MAD1L1: variants seen among roughly 807,000 people sequenced by gnomAD.
The protein encoded by MAD1L1 is mitotic spindle assembly checkpoint protein MAD1.
In MAD1L1, 95 loss-of-function variants were observed where a neutral mutation model predicts 96.9. The ratio of observed to expected loss-of-function variants is 0.98; its 90% CI spans 0.83 to 1.16. The LOEUF (loss-of-function observed/expected upper bound fraction) is 1.16, where lower values mean the gene tolerates loss of function less well. Among genes scored for constraint, MAD1L1 ranks in the 50% most tolerant of loss-of-function variants. The pLI is 0.00. For missense variants in MAD1L1, 1,007 were observed against 954.4 expected (o/e 1.06, Z -0.73); for synonymous variants, 473 against 396.6 (o/e 1.19, Z -2.29).
chr7:1,915,481 G>A (rs868736458), intron 17 of MAD1L1, among the ~76,000 whole-genome samples: 5 of 152,308 alleles, frequency 3.3e-5, no homozygotes, highest in East Asian at 1.9e-4. Context: ...CAGGGGCAGC[G>A]AGGAACGCCA....
chr7:1,826,898 A>G (rs1284775550), intron 18 of MAD1L1, among the ~76,000 whole-genome samples: 1 of 152,194 alleles, frequency 6.6e-6, no homozygotes, highest in Non-Finnish European at 1.5e-5. Context: ...TTCCTTCAAG[A>G]GTGACTGGCG....
intron 17 of MAD1L1, among the ~76,000 whole-genome samples, chr7:1,914,440 C>G (rs1266077862): frequency 6.6e-6 from 1 of 152,212 alleles, no homozygotes; most frequent in Non-Finnish European, 1.5e-5. Context: ...TGCGCTCCGG[C>G]TCTGAGGGTG....
At chr7:1,864,111 C>T (rs778670657) in intron 18 of MAD1L1, among the ~76,000 whole-genome samples, 2 of 152,162 alleles carry the variant, frequency 1.3e-5, no homozygotes, top group African/African-American at 4.8e-5. Flanking sequence ...AGGATGGGGA[C>T]GGGGCGGCCC....
At chr7:1,887,744 T>C (rs1786180685) in intron 18 of MAD1L1, among the ~76,000 whole-genome samples, 2 of 151,316 alleles carry the variant, frequency 1.3e-5, no homozygotes, top group Non-Finnish European at 2.9e-5. Context: ...TGGCTTCCTG[T>C]GCATGTGTCC....
At chr7:1,957,792 T>C in intron 15 of MAD1L1, 73 bp from the exon 16 acceptor site, 1 of 1,409,946 alleles carries the variant, frequency 7.1e-7, no homozygotes, top group Admixed American at 1.7e-5. Context: ...CTCTGGGTGA[T>C]AAGGAGGTGA....
Position 2,136,157 on chromosome 7 carries a change from C to T in MAD1L1, c.1073+12995G>A, listed in dbSNP as rs551719737. 1.9e-4 allele frequency among the ~76,000 whole-genome samples: 29 copies of T among 152,288 alleles called. No homozygotes were observed. The South Asian group carries it at 5.4e-3, about 28-fold the overall frequency. On this transcript the variant is annotated intron_variant, in intron 11 of 18. Transcript: ENST00000265854. ...CACACTGTTCCTCCTGCAGACTCTG[C>T]GCAACTGTGTTTCTCGGCCACAGTA... is the stretch of plus-strand genomic sequence containing the variant.
chr7:1,875,160 C>G (rs1785316928), intron 18 of MAD1L1, among the ~76,000 whole-genome samples: 1 of 152,194 alleles, frequency 6.6e-6, no homozygotes, highest in Non-Finnish European at 1.5e-5. Context: ...CAGAGCCCCC[C>G]ACAGGGGCCA....
chr7:1,941,137 G>A (rs1325198613), intron 16 of MAD1L1, among the ~76,000 whole-genome samples: 1 of 152,226 alleles, frequency 6.6e-6, no homozygotes, highest in African/African-American at 2.4e-5. Context: ...GCAGATAGGG[G>A]GACTTGCAGG....
At chr7:2,039,006 C>T (rs751146692) in intron 12 of MAD1L1, among the ~76,000 whole-genome samples, 1 of 152,190 alleles carries the variant, frequency 6.6e-6, no homozygotes, top group Non-Finnish European at 1.5e-5. Context: ...AAAAACCCCT[C>T]GGGTTGTCCG....
intron 17 of MAD1L1, among the ~76,000 whole-genome samples, chr7:1,927,083 C>T (rs1176887394): frequency 6.6e-6 from 1 of 152,176 alleles, no homozygotes; most frequent in Non-Finnish European, 1.5e-5. Flanking sequence ...CACACACGCA[C>T]TGAACACCTG....
chr7:2,165,654 G>A (rs947954849), intron 10 of MAD1L1, among the ~76,000 whole-genome samples: 7 of 152,190 alleles, frequency 4.6e-5, no homozygotes, highest in Non-Finnish European at 1.0e-4. Flanking sequence ...GGCACGAAAC[G>A]ACCAAAACAC....
intron 12 of MAD1L1, among the ~76,000 whole-genome samples, chr7:2,025,668 A>G (rs1274084931): frequency 6.6e-6 from 1 of 152,262 alleles, no homozygotes; most frequent in African/African-American, 2.4e-5. Flanking sequence ...CAAAAACAGT[A>G]TCTTTTCAAA....
intron 16 of MAD1L1, among the ~76,000 whole-genome samples, chr7:1,946,848 G>A (rs565398908): frequency 2.0e-4 from 30 of 152,366 alleles, no homozygotes; most frequent in African/African-American, 6.0e-4. Context: ...GGGTGCTCCC[G>A]GGCTGCCTTG....
At position 2,087,881 on chromosome 7, in the gene MAD1L1, G is replaced by T. The variant is rs373230421; in HGVS notation, c.1074-18543C>A. On this transcript the variant is annotated intron_variant, in intron 11 of 18. Coordinates refer to ENST00000265854, the MANE Select transcript of MAD1L1 (RefSeq NM_001013836.2). Reference sequence around the variant, plus strand: ...CGCCCCTTAGCATCCAAGACAGCACGGCGCTAGCAGCTGAAGGGAAAACCA... The same window carrying T: ...CGCCCCTTAGCATCCAAGACAGCACTGCGCTAGCAGCTGAAGGGAAAACCA... 4.6e-5 allele frequency among the ~76,000 whole-genome samples: 7 copies of T among 152,144 alleles called. No individual in the cohort carries two copies. The East Asian group carries it at 1.2e-3, about 25-fold the overall frequency.
In MAD1L1 at chr7:1,868,794, C is replaced by T. The variant is rs114169975; in HGVS notation, c.1998+29406G>A. Among the ~76,000 whole-genome samples the T allele has an allele frequency of 3.9e-3, 594 of 152,322 alleles. 6 individuals are homozygous for T. The highest frequency in any genetic ancestry group is 0.014 in the African/African-American group (562 of 41,574). On this transcript the variant is annotated intron_variant, in intron 18 of 18. Transcript: ENST00000265854. ...GACCACCAGGGGAACGCCCAGAAGA[C>T]CAGCATGTCAGCTAAGGAGCTGAAG...
intron 10 of MAD1L1, among the ~76,000 whole-genome samples, chr7:2,152,094 A>G (rs1789604255): frequency 6.6e-6 from 1 of 152,236 alleles, no homozygotes; most frequent in African/African-American, 2.4e-5. Context: ...AGGCAGGAAC[A>G]GAGAGCATGG....
chr7:2,230,223 C>T, intron 2 of MAD1L1, 80 bp from the exon 3 acceptor site: 1 of 1,134,868 alleles, frequency 8.8e-7, no homozygotes, highest in Non-Finnish European at 1.3e-6. Flanking sequence ...AGCCTCTGGA[C>T]AGCCCCACTC....
intron 11 of MAD1L1, among the ~76,000 whole-genome samples, chr7:2,143,712 C>T (rs1468730379): frequency 2.6e-5 from 4 of 152,092 alleles, no homozygotes; most frequent in African/African-American, 9.7e-5. Flanking sequence ...GACATGCCAG[C>T]CTTGTGGCTT....
At chr7:2,157,088 A>G (rs1381320507) in intron 10 of MAD1L1, among the ~76,000 whole-genome samples, 1 of 152,206 alleles carries the variant, frequency 6.6e-6, no homozygotes, top group Non-Finnish European at 1.5e-5. Flanking sequence ...AATTCTGGAA[A>G]CTCGAACACC....
Sources: allele counts gnomAD v4.1 joint callset (sites outside exome capture counted in the v4.1 genomes callset), GRCh38; gene constraint gnomAD v4.1.1; transcripts MANE v1.5; gene names NCBI Gene and HGNC (gene_info 2026-07-23, HGNC 2026-07-21).